The following BNC2 variants were observed in gnomAD, a reference collection of about 807,000 sequenced individuals.
BNC2 encodes the protein zinc finger protein basonuclin-2.
BNC2 carries 20 observed loss-of-function variants against 76.3 expected under a neutral mutation model. That is an observed-to-expected ratio of 0.26 (90% CI 0.18 to 0.38). The LOEUF (loss-of-function observed/expected upper bound fraction) is 0.38, where lower values mean the gene tolerates loss of function less well. Ranked by LOEUF, BNC2 falls within the 10% of genes least tolerant of loss-of-function variation. The pLI is 1.00. For synonymous variants in BNC2, 582 were observed against 514.8 expected (o/e 1.13, Z -1.77); for missense variants, 1,382 against 1,399.8 (o/e 0.99, Z 0.20).
At chr9:16,729,586 A>G (rs1042274566) in intron 2 of BNC2, among the ~76,000 whole-genome samples, 1 of 152,172 alleles carries the variant, frequency 6.6e-6, no homozygotes, top group African/African-American at 2.4e-5. Context: ...AAAAAGTCTC[A>G]AAAGAAGCAA....
At chr9:16,562,655 A>T (rs1201593804) in intron 4 of BNC2, among the ~76,000 whole-genome samples, 1 of 152,216 alleles carries the variant, frequency 6.6e-6, no homozygotes, top group Non-Finnish European at 1.5e-5. Flanking sequence ...AATTTTTAGC[A>T]AGTATGTAAG....
At chr9:16,458,583 T>C (rs921729459) in intron 5 of BNC2, among the ~76,000 whole-genome samples, 2 of 152,170 alleles carry the variant, frequency 1.3e-5, no homozygotes, top group Admixed American at 6.5e-5. Context: ...ACAATGTAGG[T>C]AGCATTTTTA....
At chr9:16,785,931 T>C (rs1826281381) in intron 1 of BNC2, among the ~76,000 whole-genome samples, 1 of 152,088 alleles carries the variant, frequency 6.6e-6, no homozygotes, top group East Asian at 1.9e-4. Context: ...TCTGGGCCTG[T>C]GCACCTATTT....
chr9:16,862,737 G>T (rs1241837034), intron 1 of BNC2, among the ~76,000 whole-genome samples: 1 of 151,876 alleles, frequency 6.6e-6, no homozygotes, highest in Non-Finnish European at 1.5e-5. Flanking sequence ...TTAAAATTAT[G>T]GCCTTCATCT....
intron 1 of BNC2, among the ~76,000 whole-genome samples, chr9:16,772,126 T>C (rs573670786): frequency 6.6e-6 from 1 of 152,196 alleles, no homozygotes; most frequent in Non-Finnish European, 1.5e-5. Context: ...TTGAAGAGTC[T>C]GTGAAAGACA....
intron 5 of BNC2, among the ~76,000 whole-genome samples, chr9:16,527,909 G>C (rs1817860774): frequency 6.6e-6 from 1 of 152,176 alleles, no homozygotes; most frequent in African/African-American, 2.4e-5. Context: ...TGGAGCTCAG[G>C]TAAGAGGTGG....
At chr9:16,446,640 A>G (rs1007465448) in intron 5 of BNC2, among the ~76,000 whole-genome samples, 1 of 152,170 alleles carries the variant, frequency 6.6e-6, no homozygotes, top group Admixed American at 6.6e-5. Flanking sequence ...TTTTTAAAAT[A>G]TTGCTTGACA....
intron 5 of BNC2, among the ~76,000 whole-genome samples, chr9:16,458,198 C>T (rs1232644374): frequency 1.3e-5 from 2 of 148,794 alleles, no homozygotes; most frequent in Non-Finnish European, 3.0e-5. Context: ...GAGATTAAGG[C>T]TCATGGAAGC....
chr9:16,778,244 A>G (rs1044008260), intron 1 of BNC2, among the ~76,000 whole-genome samples: 1 of 152,196 alleles, frequency 6.6e-6, no homozygotes, highest in African/African-American at 2.4e-5. Context: ...CATACACACA[A>G]ATACTTTCTT....
chr9:16,855,577 G>A (rs980763178), intron 1 of BNC2, among the ~76,000 whole-genome samples: 9 of 152,094 alleles, frequency 5.9e-5, no homozygotes, highest in South Asian at 2.1e-4. Flanking sequence ...TCGCTCTGTC[G>A]CCCAGGCTGG....
chr9:16,759,819 G>C (rs1586861163), intron 1 of BNC2, among the ~76,000 whole-genome samples: 1 of 151,730 alleles, frequency 6.6e-6, no homozygotes, highest in Non-Finnish European at 1.5e-5. Flanking sequence ...CGCCTCCCGG[G>C]TTCACACCAT....
At chr9:16,757,408 A>G (rs2135346374) in intron 1 of BNC2, among the ~76,000 whole-genome samples, 1 of 152,304 alleles carries the variant, frequency 6.6e-6, no homozygotes, top group South Asian at 2.1e-4. Context: ...CCAGCTTATC[A>G]AGACAGAGAT....
intron 3 of BNC2, among the ~76,000 whole-genome samples, chr9:16,583,382 C>T (rs1424639050): frequency 1.3e-5 from 2 of 152,034 alleles, no homozygotes; most frequent in East Asian, 1.9e-4. Context: ...TACGACATCA[C>T]AAATCCAAAA....
At chr9:16,720,416 C>G (rs1824120644) in intron 3 of BNC2, among the ~76,000 whole-genome samples, 1 of 152,104 alleles carries the variant, frequency 6.6e-6, no homozygotes, top group Non-Finnish European at 1.5e-5. Flanking sequence ...GTATTTAGGT[C>G]ATTAAGTAAA....
chr9:16,855,344 C>T (rs1434352876), intron 1 of BNC2, among the ~76,000 whole-genome samples: 2 of 152,188 alleles, frequency 1.3e-5, no homozygotes, highest in South Asian at 2.1e-4. Context: ...AGGATGACAG[C>T]TTCTACTTCA....
At chr9:16,605,937 A>ACACCAC (rs1180129965) in intron 3 of BNC2, among the ~76,000 whole-genome samples, 1 of 151,890 alleles carries the variant, frequency 6.6e-6, no homozygotes, top group Non-Finnish European at 1.5e-5. Flanking sequence ...CTACAGGTGC[A>ACACCAC]CACCACCATG....
At chr9:16,440,564 C>A (rs979038703) in intron 5 of BNC2, among the ~76,000 whole-genome samples, 5 of 152,158 alleles carry the variant, frequency 3.3e-5, no homozygotes, top group African/African-American at 1.2e-4. Context: ...TATACTTATA[C>A]AACTGGCAGC....
chr9:16,505,989 C>A (rs572748927), intron 5 of BNC2, among the ~76,000 whole-genome samples: 1 of 152,138 alleles, frequency 6.6e-6, no homozygotes, highest in Non-Finnish European at 1.5e-5. Flanking sequence ...ATAATTGTAG[C>A]TTTCTGGAAG....
At chr9:16,741,949 C>A (rs1304673291) in intron 1 of BNC2, among the ~76,000 whole-genome samples, 1 of 112,618 alleles carries the variant, frequency 8.9e-6, no homozygotes, top group African/African-American at 3.8e-5. Context: ...CAAAGTGAGG[C>A]TCCATCTCAA....
Sources: gnomAD v4.1 joint callset for allele counts (sites outside exome capture counted in the v4.1 genomes callset) on GRCh38, gnomAD v4.1.1 for gene constraint, MANE v1.5 for transcripts, NCBI Gene and HGNC (gene_info 2026-07-23, HGNC 2026-07-21) for gene names.